Variants in ADAMTS19 observed in about 807,000 individuals in gnomAD.
The protein encoded by ADAMTS19 is A disintegrin and metalloproteinase with thrombospondin motifs 19.
Under a neutral mutation model 153.3 loss-of-function variants are expected in ADAMTS19, and 93 were observed. That is an observed-to-expected ratio of 0.61 (90% CI 0.51 to 0.72). The LOEUF (loss-of-function observed/expected upper bound fraction) is 0.72. ADAMTS19 is among the 30% of genes least tolerant of loss of function. The pLI is 0.00. For missense variants in ADAMTS19, 1,482 were observed against 1,552.1 expected (o/e 0.95, Z 0.76); for synonymous variants, 600 against 556.6 (o/e 1.08, Z -1.10).
Position 129,704,491 on chromosome 5 carries a change from A to T in ADAMTS19, c.3312+100A>T, listed in dbSNP as rs1176888254. 1.2e-5 allele frequency: 17 copies of T among 1,379,586 alleles called. No homozygotes were observed. The Admixed American group carries it at 1.6e-4, about 13-fold the overall frequency. The allele number at this position is 1,379,586 out of a possible 1,614,324, so 85.5% of individuals were successfully genotyped here. A position where few individuals can be genotyped will look rare whatever the true frequency, so the allele number is the denominator to read the frequency against. ...AGCATGGAGTTTAGGAGGGAAGGAG[A>T]GTAGAATTAAACATCATGGGATATG... On this transcript the variant is annotated intron_variant, in intron 21 of 22. Transcript: ENST00000274487.
intron 10 of ADAMTS19, among the ~76,000 whole-genome samples, chr5:129,631,160 GTTTT>G (rs35770896): frequency 1.6e-5 from 2 of 127,700 alleles, no homozygotes; most frequent in Non-Finnish European, 1.7e-5. Context: ...AAAATTTTAG[GTTTT>G]TTTTTTTTTT....
chr5:129,645,006 TCAGAGACTGTTCAGGCTC>T (rs1752995157), intron 11 of ADAMTS19, among the ~76,000 whole-genome samples: 1 of 152,198 alleles, frequency 6.6e-6, no homozygotes, highest in Admixed American at 6.5e-5. Context: ...CAAGATTTGA[TCAGAGACTGTTCAGGCTC>T]CTTTGACATC....
At chr5:129,597,964 T>C (rs893614567) in intron 8 of ADAMTS19, among the ~76,000 whole-genome samples, 1 of 151,972 alleles carries the variant, frequency 6.6e-6, no homozygotes, top group Non-Finnish European at 1.5e-5. Context: ...AGACTTAATT[T>C]TGAATGCAGG....
intron 7 of ADAMTS19, among the ~76,000 whole-genome samples, chr5:129,562,689 A>G (rs1434771541): frequency 6.6e-6 from 1 of 152,224 alleles, no homozygotes; most frequent in South Asian, 2.1e-4. Flanking sequence ...GGACTTTAAC[A>G]TATAGAAAAT....
intron 7 of ADAMTS19, among the ~76,000 whole-genome samples, chr5:129,565,330 A>G (rs1425778067): frequency 6.6e-6 from 1 of 152,190 alleles, no homozygotes; most frequent in Non-Finnish European, 1.5e-5. Flanking sequence ...TCTGGGTCTC[A>G]GATATATTCG....
At chr5:129,685,130 A>C (rs909443248) in intron 18 of ADAMTS19, among the ~76,000 whole-genome samples, 62 of 152,308 alleles carry the variant, frequency 4.1e-4, no homozygotes, top group African/African-American at 1.5e-3. Context: ...AGGAGAGAAT[A>C]TCAGGCTACA....
rs141116474 is a variant in ADAMTS19, at chr5:129,684,037, G to A, written c.2665-83G>A. ...GCACACAACACAATGAGCATTTTAA[G>A]TATCAATATTGTTAATTTTATGCTT... On this transcript the variant is annotated intron_variant, in intron 17 of 22. Transcript: ENST00000274487. The A allele has an allele frequency of 2.4e-4, 340 of 1,393,646 alleles. No individual in the cohort carries two copies. In the African/African-American group the frequency reaches 4.4e-3, roughly 18 times the overall value. 86.3% of individuals were successfully genotyped at this position (1,393,646 alleles called of 1,614,324 possible).
intron 7 of ADAMTS19, among the ~76,000 whole-genome samples, chr5:129,589,714 G>A (rs986617974): frequency 4.6e-5 from 7 of 151,872 alleles, no homozygotes; most frequent in Non-Finnish European, 1.0e-4. Context: ...TTTTTCTCTA[G>A]TTTTATATCT....
intron 2 of ADAMTS19, among the ~76,000 whole-genome samples, chr5:129,475,837 A>G (rs1247119618): frequency 1.3e-5 from 2 of 152,248 alleles, no homozygotes; most frequent in East Asian, 1.9e-4. Context: ...ATCTCAAAAT[A>G]AAAATAAATT....
At chr5:129,552,070 G>A (rs1753142130) in intron 7 of ADAMTS19, among the ~76,000 whole-genome samples, 163 bp downstream of exon 7, 1 of 151,876 alleles carries the variant, frequency 6.6e-6, no homozygotes, top group African/African-American at 2.4e-5. Flanking sequence ...CAGCACTTCA[G>A]TGTAAAAGAC....
chr5:129,719,765 G>C (rs1434192534), intron 21 of ADAMTS19, among the ~76,000 whole-genome samples: 14 of 152,172 alleles, frequency 9.2e-5, no homozygotes, highest in Admixed American at 9.2e-4. Flanking sequence ...TATCAGCTGG[G>C]CGCAGTGGCC....
At chr5:129,666,820 A>G (rs968419754) in intron 16 of ADAMTS19, among the ~76,000 whole-genome samples, 26 of 152,186 alleles carry the variant, frequency 1.7e-4, no homozygotes, top group African/African-American at 6.0e-4. Flanking sequence ...CATTCATTCA[A>G]TAGCAGACAA....
intron 10 of ADAMTS19, among the ~76,000 whole-genome samples, chr5:129,629,345 T>C (rs191706632): frequency 2.8e-4 from 43 of 152,232 alleles, no homozygotes; most frequent in Non-Finnish European, 4.3e-4. Flanking sequence ...GGCATCCTTA[T>C]GACCAGCTCA....
intron 8 of ADAMTS19, among the ~76,000 whole-genome samples, chr5:129,600,087 T>C (rs1213473321): frequency 6.6e-6 from 1 of 152,064 alleles, no homozygotes; most frequent in Non-Finnish European, 1.5e-5. Flanking sequence ...TAAGGCACAA[T>C]GTAAGAAGAA....
intron 2 of ADAMTS19, among the ~76,000 whole-genome samples, chr5:129,463,226 G>A (rs927896855): frequency 6.6e-6 from 1 of 152,086 alleles, no homozygotes; most frequent in Non-Finnish European, 1.5e-5. Context: ...AGTAGCAATG[G>A]GGGATAAAGA....
chr5:129,697,537 T>C (rs766092855), intron 19 of ADAMTS19, among the ~76,000 whole-genome samples: 2 of 152,264 alleles, frequency 1.3e-5, no homozygotes, highest in Non-Finnish European at 2.9e-5. Context: ...TTCAGTAATG[T>C]CATGTTCTTT....
chr5:129,620,245 A>G (rs530134065), intron 8 of ADAMTS19, among the ~76,000 whole-genome samples: 1 of 152,172 alleles, frequency 6.6e-6, no homozygotes, highest in South Asian at 2.1e-4. Context: ...TTTGAAGAAA[A>G]TTTGATTCAG....
At chr5:129,600,331 C>CTT (rs781759425) in intron 8 of ADAMTS19, among the ~76,000 whole-genome samples, 11 of 151,692 alleles carry the variant, frequency 7.3e-5, no homozygotes, top group African/African-American at 2.7e-4. Context: ...TTCCTTCTTT[C>CTT]TTTTTTTTGC....
intron 3 of ADAMTS19, among the ~76,000 whole-genome samples, chr5:129,522,192 A>AAAT (rs1554089277): frequency 6.1e-5 from 9 of 148,090 alleles, no homozygotes; most frequent in African/African-American, 2.2e-4. Context: ...GTTGAAAAAA[A>AAAT]ATATATATAT....
Sources: gnomAD v4.1 joint callset for allele counts (sites outside exome capture counted in the v4.1 genomes callset) on GRCh38, gnomAD v4.1.1 for gene constraint, MANE v1.5 for transcripts, NCBI Gene and HGNC (gene_info 2026-07-23, HGNC 2026-07-21) for gene names.